The following SCCPDH variants were observed in gnomAD, a reference collection of about 807,000 sequenced individuals.
SCCPDH encodes saccharopine dehydrogenase (putative), also known as saccharopine dehydrogenase-like oxidoreductase.
SCCPDH carries 34 observed loss-of-function variants against 51.5 expected under a neutral mutation model. The ratio of observed to expected loss-of-function variants is 0.66; its 90% CI spans 0.50 to 0.88. The LOEUF is 0.88. Among genes scored for constraint, SCCPDH ranks in the 40% least tolerant of loss-of-function variants. The pLI is 0.00. For synonymous variants in SCCPDH, 187 were observed against 191.3 expected (o/e 0.98, Z 0.19); for missense variants, 464 against 527.1 (o/e 0.88, Z 1.17).
chr1:246,755,210 T>C (rs1668911742), intron 5 of SCCPDH, among the ~76,000 whole-genome samples: 5 of 152,242 alleles, frequency 3.3e-5, no homozygotes, highest in Admixed American at 2.0e-4. Context: ...GTAGTTAATT[T>C]TCTTCAAATT....
chr1:246,739,298 A>C lies in SCCPDH; in HGVS notation c.385-874A>C, dbSNP rs545132557. On this transcript the variant is annotated intron_variant, in intron 3 of 11. Transcript: ENST00000366510. ...TGTGATATGATATGATAAGAATAGC[A>C]CTTTACCCCTGTGGTCTCTTTCCAA... 3.9e-5 allele frequency among the ~76,000 whole-genome samples: 6 copies of C among 152,300 alleles called. No individual in the cohort carries two copies. The East Asian group carries it at 1.2e-3, about 29-fold the overall frequency.
rs749944937 is a variant in SCCPDH, at chr1:246,758,242, A to G, written c.581A>G (p.Asp194Gly). The change falls in exon 6 of 12, where the codon GAT (aspartate) becomes GGT (glycine). Residue 194 changes from aspartate (D) to glycine (G), a missense_variant. Coordinates refer to ENST00000366510, the MANE Select transcript of SCCPDH (RefSeq NM_016002.3). Reference protein sequence around the residue: ...HSGPEGLSIHDGTWKSAIYGF... With the variant: ...HSGPEGLSIHGGTWKSAIYGF... ...TTTTATTAGGGGTTGAGCATTCATG[A>G]TGGTACCTGGAAGTCAGCAATTTAT... is the stretch of plus-strand genomic sequence containing the variant. The G allele has an allele frequency of 1.3e-6, 2 of 1,597,292 alleles. No individual in the cohort carries two copies. The highest frequency in any genetic ancestry group is 2.3e-5 in the East Asian group (1 of 44,232).
At position 246,751,939 on chromosome 1, in the gene SCCPDH, A is replaced by AT. The variant is rs35274783; in HGVS notation, c.565-6274dup. 6.5e-4 allele frequency among the ~76,000 whole-genome samples: 94 copies of AT among 145,220 alleles called. 1 individual carries two copies. The highest frequency in any genetic ancestry group is 1.5e-3 in the South Asian group (7 of 4,586). ...AGGCTCCCGCCACCACGCCCGGCTA[A>AT]TTTTTTTTTTTTTGTATTTTTTTAG... is the stretch of plus-strand genomic sequence containing the variant. On this transcript the variant is annotated intron_variant, in intron 5 of 11. Coordinates refer to ENST00000366510, the MANE Select transcript of SCCPDH (RefSeq NM_016002.3).
chr1:246,727,483 A>C (rs1312226878), intron 2 of SCCPDH, among the ~76,000 whole-genome samples: 1 of 152,248 alleles, frequency 6.6e-6, no homozygotes, highest in Non-Finnish European at 1.5e-5. Context: ...ACAATGGTGA[A>C]CAAAACAGAA....
chr1:246,757,924 G>T (rs1412241466), intron 5 of SCCPDH, among the ~76,000 whole-genome samples: 1 of 151,998 alleles, frequency 6.6e-6, no homozygotes, highest in East Asian at 1.9e-4. Context: ...GATCTTGAAG[G>T]AATATGGTCA....
intron 5 of SCCPDH, among the ~76,000 whole-genome samples, chr1:246,745,983 C>G (rs1020865161): frequency 6.6e-6 from 1 of 151,940 alleles, no homozygotes; most frequent in South Asian, 2.1e-4. Flanking sequence ...TGGCAGGCAC[C>G]TGTAGTCCCA....
intron 9 of SCCPDH, 96 bp downstream of exon 9, chr1:246,760,323 CTT>C (rs956266064): frequency 2.1e-6 from 2 of 969,204 alleles, no homozygotes; most frequent in South Asian, 1.6e-5. Context: ...TTCAGATACT[CTT>C]TTAAGTTCTT....
chr1:246,730,023 G>A (rs978821668), intron 2 of SCCPDH, among the ~76,000 whole-genome samples: 8 of 151,962 alleles, frequency 5.3e-5, no homozygotes, highest in African/African-American at 1.9e-4. Context: ...ATTTAAATAT[G>A]TGATATCTCC....
chr1:246,757,462 C>T (rs759039978), intron 5 of SCCPDH, among the ~76,000 whole-genome samples: 1 of 150,806 alleles, frequency 6.6e-6, no homozygotes, highest in Non-Finnish European at 1.5e-5. Flanking sequence ...GTTGGGGAAG[C>T]TGTAAAGAGT....
intron 5 of SCCPDH, among the ~76,000 whole-genome samples, chr1:246,747,965 G>A (rs954980037): frequency 6.6e-6 from 1 of 152,160 alleles, no homozygotes; most frequent in Non-Finnish European, 1.5e-5. Context: ...CTTTGGAGAG[G>A]ATCTCAGGAC....
chr1:246,759,015 T>A lies in SCCPDH; in HGVS notation c.696-19T>A. 1 of 1,317,222 alleles carries A rather than the reference T, an allele frequency of 7.6e-7. No homozygotes were observed. Among genetic ancestry groups the A allele is most frequent in the Non-Finnish European group, 1.1e-6 (1 of 910,034 alleles). The allele number at this position is 1,317,222 out of a possible 1,614,324, so 81.6% of individuals were successfully genotyped here. A position where few individuals can be genotyped will look rare whatever the true frequency, so the allele number is the denominator to read the frequency against. On this transcript the variant is annotated intron_variant, in intron 6 of 11. Transcript: ENST00000366510. The stretch of plus-strand genomic sequence containing the variant: ...TGTAATTGCAGGAAATGCAAAATAT[T>A]CATAGGTCTGTCTTGCAGGTGGCCA...
intron 5 of SCCPDH, among the ~76,000 whole-genome samples, chr1:246,754,940 A>G (rs1668909168): frequency 6.6e-6 from 1 of 152,204 alleles, no homozygotes; most frequent in Admixed American, 6.5e-5. Context: ...TTATTTCCAC[A>G]ATAGTTTTTA....
intron 5 of SCCPDH, among the ~76,000 whole-genome samples, chr1:246,746,386 A>C (rs1027429341): frequency 6.6e-6 from 1 of 151,906 alleles, no homozygotes; most frequent in Non-Finnish European, 1.5e-5. Flanking sequence ...TATAGATAAC[A>C]CAACCGGTCA....
intron 3 of SCCPDH, 55 bp from the exon 4 acceptor site, chr1:246,740,117 A>G (rs898907319): frequency 7.4e-7 from 1 of 1,352,616 alleles, no homozygotes; most frequent in East Asian, 2.4e-5. Context: ...ATTATTTAAT[A>G]CTGGTCTACA....
Position 246,748,668 on chromosome 1 carries a change from A to G in SCCPDH, c.564+4543A>G, listed in dbSNP as rs532043253. Among the ~76,000 whole-genome samples the G allele has an allele frequency of 2.0e-5, 3 of 152,304 alleles. No individual in the cohort carries two copies. The South Asian group carries it at 6.2e-4, about 32-fold the overall frequency. On this transcript the variant is annotated intron_variant, in intron 5 of 11. Coordinates refer to ENST00000366510, the MANE Select transcript of SCCPDH (RefSeq NM_016002.3). ...AAATATTGACTTAAATCCTGCAGCT[A>G]TTTGATCTCGAGATTTAAATTCATC...
At chr1:246,757,344 CAAAAAA>C (rs10649597) in intron 5 of SCCPDH, among the ~76,000 whole-genome samples, 1 of 77,448 alleles carries the variant, frequency 1.3e-5, no homozygotes, top group Non-Finnish European at 2.4e-5. Flanking sequence ...GACTCTGTCT[CAAAAAA>C]AAAAAAAAAA....
Position 246,759,839 on chromosome 1 carries a change from G to A in SCCPDH, c.814-118G>A, listed in dbSNP as rs1156996112. ...TTTCAGAACATAATGCATTTGTAAAGTGGAAACTGCTTTTGTTCCACATTT... is the reference window on the plus strand; with the variant it reads ...TTTCAGAACATAATGCATTTGTAAAATGGAAACTGCTTTTGTTCCACATTT... On this transcript the variant is annotated intron_variant, in intron 7 of 11. Transcript: ENST00000366510. 21 of 1,122,806 alleles carry A rather than the reference G, an allele frequency of 1.9e-5. No individual in the cohort carries two copies. In the Admixed American group the frequency reaches 5.2e-4, roughly 28 times the overall value. 69.6% of individuals were successfully genotyped at this position (1,122,806 alleles called of 1,614,324 possible).
At chr1:246,742,301 G>C (rs947291868) in intron 4 of SCCPDH, among the ~76,000 whole-genome samples, 5 of 152,172 alleles carry the variant, frequency 3.3e-5, no homozygotes, top group African/African-American at 1.2e-4. Flanking sequence ...TGTTTCTTGA[G>C]GTTGTTCTCT....
At chr1:246,745,812 A>G (rs1231681363) in intron 5 of SCCPDH, among the ~76,000 whole-genome samples, 2 of 152,142 alleles carry the variant, frequency 1.3e-5, no homozygotes, top group Non-Finnish European at 2.9e-5. Context: ...ACACCGAGTT[A>G]AAGAAGGAAG....
Sources: gnomAD v4.1 joint callset for allele counts (sites outside exome capture counted in the v4.1 genomes callset) on GRCh38, gnomAD v4.1.1 for gene constraint, MANE v1.5 for transcripts, NCBI Gene and HGNC (gene_info 2026-07-23, HGNC 2026-07-21) for gene names.